RORA: variants seen among roughly 807,000 people sequenced by gnomAD.
The protein encoded by RORA is nuclear receptor ROR-alpha.
Under a neutral mutation model 69.5 loss-of-function variants are expected in RORA, and 7 were observed. The observed-to-expected ratio is 0.10, with a 90% CI of 0.06 to 0.19. The LOEUF is 0.19. RORA is among the 10% of genes least tolerant of loss of function. The pLI is 1.00. For missense variants in RORA, 457 were observed against 663.0 expected (o/e 0.69, Z 3.41); for synonymous variants, 261 against 240.8 (o/e 1.08, Z -0.78).
rs1595852349 is a variant in RORA at position 60,492,577 on chromosome 15, G to C, written c.*4878C>G. ...AGGCAGGTCTCTCCTCTTATTACTGGATTTTAAAATTTTCATCCTTAATAT... is the reference window on the plus strand; with the variant it reads ...AGGCAGGTCTCTCCTCTTATTACTGCATTTTAAAATTTTCATCCTTAATAT... On this transcript the variant is annotated 3_prime_UTR_variant, in exon 11 of 11. Coordinates refer to ENST00000335670, the MANE Select transcript of RORA (RefSeq NM_134261.3). The C allele has an allele frequency of 6.6e-6, 1 of 152,034 alleles. No individual in the cohort carries two copies. 9.4% of individuals were successfully genotyped at this position (152,034 alleles called of 1,614,324 possible). A position where few individuals can be genotyped will look rare whatever the true frequency, so the allele number is the denominator to read the frequency against.
intron 1 of RORA, among the ~76,000 whole-genome samples, chr15:60,765,871 C>G (rs562216165): frequency 2.2e-4 from 33 of 152,018 alleles, no homozygotes; most frequent in Non-Finnish European, 4.0e-4. Flanking sequence ...CCCACCTAAC[C>G]CCCCAATATC....
chr15:61,007,379 G>C (rs1475569157), intron 1 of RORA, among the ~76,000 whole-genome samples: 1 of 151,926 alleles, frequency 6.6e-6, no homozygotes, highest in African/African-American at 2.4e-5. Context: ...TTGAACCCTT[G>C]GCAAAAATAA....
chr15:60,812,697 G>A (rs1362516637), intron 1 of RORA, among the ~76,000 whole-genome samples: 1 of 152,136 alleles, frequency 6.6e-6, no homozygotes, highest in Non-Finnish European at 1.5e-5. Flanking sequence ...CTCCCTCCTT[G>A]TCCACTGTGA....
intron 1 of RORA, among the ~76,000 whole-genome samples, chr15:60,809,301 TACA>T (rs966319297): frequency 6.6e-6 from 1 of 152,344 alleles, no homozygotes; most frequent in East Asian, 1.9e-4. Flanking sequence ...TGGCCTGAAC[TACA>T]ACAATTGACA....
chr15:60,614,111 CT>C (rs2069167140), intron 2 of RORA, among the ~76,000 whole-genome samples: 1 of 151,916 alleles, frequency 6.6e-6, no homozygotes, highest in Admixed American at 6.6e-5. Flanking sequence ...TCTTACAGGA[CT>C]TTTGAACATT....
At chr15:60,980,401 A>T (rs1033076119) in intron 1 of RORA, among the ~76,000 whole-genome samples, 1 of 152,144 alleles carries the variant, frequency 6.6e-6, no homozygotes, top group African/African-American at 2.4e-5. Context: ...TCACAGAATG[A>T]GTTAGAAAGT....
chr15:61,071,948 C>T (rs2078372048), intron 1 of RORA, among the ~76,000 whole-genome samples: 1 of 151,972 alleles, frequency 6.6e-6, no homozygotes, highest in South Asian at 2.1e-4. Context: ...AGGGAGGATA[C>T]TCAAAGACAG....
intron 2 of RORA, among the ~76,000 whole-genome samples, chr15:60,669,471 A>G (rs1488724593): frequency 6.6e-6 from 1 of 152,174 alleles, no homozygotes; most frequent in Non-Finnish European, 1.5e-5. Context: ...AGCAGGGAAC[A>G]TCTGATTCAC....
chr15:60,797,598 G>A (rs115008664), intron 1 of RORA, among the ~76,000 whole-genome samples: 5 of 152,198 alleles, frequency 3.3e-5, no homozygotes, highest in Non-Finnish European at 7.3e-5. Context: ...ACACCCATGA[G>A]ATGAGACTGA....
intron 2 of RORA, among the ~76,000 whole-genome samples, chr15:60,630,175 A>G (rs1179621331): frequency 6.6e-6 from 1 of 152,232 alleles, no homozygotes; most frequent in Non-Finnish European, 1.5e-5. Flanking sequence ...ACACTGATGC[A>G]AAGGACAGAA....
chr15:60,979,578 AT>A (rs1047103286), intron 1 of RORA, among the ~76,000 whole-genome samples: 1 of 152,042 alleles, frequency 6.6e-6, no homozygotes, highest in Non-Finnish European at 1.5e-5. Context: ...CTATTTTATA[AT>A]TTTTGATGCC....
At chr15:61,111,437 T>C (rs1196228435) in intron 1 of RORA, among the ~76,000 whole-genome samples, 2 of 152,244 alleles carry the variant, frequency 1.3e-5, no homozygotes, top group African/African-American at 4.8e-5. Context: ...ATTTGGTGAC[T>C]GATGGCAACA....
intron 2 of RORA, among the ~76,000 whole-genome samples, chr15:60,584,620 G>A (rs1051588821): frequency 6.6e-6 from 1 of 152,134 alleles, no homozygotes; most frequent in Non-Finnish European, 1.5e-5. Context: ...GGTGGTACCT[G>A]AATTACCTAG....
intron 1 of RORA, among the ~76,000 whole-genome samples, chr15:61,107,015 C>A (rs2078957230): frequency 6.6e-6 from 1 of 152,180 alleles, no homozygotes; most frequent in South Asian, 2.1e-4. Flanking sequence ...CACACATCAT[C>A]CTGAACATGG....
chr15:60,867,433 C>T (rs1270006387), intron 1 of RORA, among the ~76,000 whole-genome samples: 1 of 152,066 alleles, frequency 6.6e-6, no homozygotes, highest in East Asian at 1.9e-4. Context: ...ACACCCAGTT[C>T]GTGTGTGCCA....
chr15:60,667,250 C>T (rs1326629560), intron 2 of RORA, among the ~76,000 whole-genome samples: 4 of 152,170 alleles, frequency 2.6e-5, no homozygotes, highest in African/African-American at 9.7e-5. Flanking sequence ...AAGTGCCAAG[C>T]CACACCTTGA....
At position 60,920,664 on chromosome 15, in the gene RORA, G is replaced by A. The variant is rs149501869; in HGVS notation, c.167-241978C>T. On this transcript the variant is annotated intron_variant, in intron 1 of 10. Transcript: ENST00000335670. ...ACAGCGAGCTATTACAATAGATATTGTTCATCCTCAAAGATGAAACTGTGA... is the reference window on the plus strand; with the variant it reads ...ACAGCGAGCTATTACAATAGATATTATTCATCCTCAAAGATGAAACTGTGA... 1.1e-3 allele frequency among the ~76,000 whole-genome samples: 164 copies of A among 152,312 alleles called. 2 individuals are homozygous for A. Among genetic ancestry groups the A allele is most frequent in the African/African-American group, 3.8e-3 (160 of 41,574 alleles).
intron 1 of RORA, among the ~76,000 whole-genome samples, chr15:60,758,268 G>A (rs2071831935): frequency 1.3e-5 from 2 of 152,180 alleles, no homozygotes; most frequent in Admixed American, 1.3e-4. Context: ...CACTCAGATA[G>A]TCTCTACCAG....
At chr15:61,049,037 C>A (rs1897175119) in intron 1 of RORA, among the ~76,000 whole-genome samples, 2 of 152,198 alleles carry the variant, frequency 1.3e-5, no homozygotes, top group African/African-American at 4.8e-5. Flanking sequence ...TGGACACCCC[C>A]ACACATCTGA....
Sources: gnomAD v4.1 joint callset for allele counts (sites outside exome capture counted in the v4.1 genomes callset) on GRCh38, gnomAD v4.1.1 for gene constraint, MANE v1.5 for transcripts, NCBI Gene and HGNC (gene_info 2026-07-23, HGNC 2026-07-21) for gene names.